The following ASB13 variants were observed in gnomAD, a reference collection of about 807,000 sequenced individuals.
ASB13 encodes ankyrin repeat and SOCS box protein 13.
ASB13 carries 33 observed loss-of-function variants against 28.8 expected under a neutral mutation model. The observed-to-expected ratio is 1.15, with a 90% confidence interval of 0.87 to 1.53. The LOEUF (loss-of-function observed/expected upper bound fraction) is 1.53. ASB13 is among the 40% of genes most tolerant of loss of function. The pLI, the probability that ASB13 is intolerant of heterozygous loss-of-function variation, is 0.00. For missense variants in ASB13, 414 were observed against 390.1 expected, an observed-to-expected ratio of 1.06 and a Z score of -0.52; for synonymous variants, 182 against 172.9, an observed-to-expected ratio of 1.05 and a Z score of -0.41.
rs1834998445 is a variant in ASB13, at chr10:5,652,063, A to AC, written c.232-701_232-700insG. On this transcript the variant is annotated intron_variant, in intron 2 of 5. Transcript: ENST00000357700. The surrounding 1 kb of genome is among the most constrained non-coding windows in gnomAD (Gnocchi z 5.0). ...ACACACACACACACACACACACACA[A>AC]AACTCTAACCTCAATGGAAGGAATG... Among the ~76,000 whole-genome samples the AC allele has an allele frequency of 8.2e-6, 1 of 122,526 alleles. No individual in the cohort carries two copies. The highest frequency in any genetic ancestry group is 1.7e-5 in the Non-Finnish European group (1 of 59,436). 80.4% of individuals were successfully genotyped at this position (122,526 alleles called of 152,430 possible).
rs914066222 is a variant in ASB13 at position 5,641,347 on chromosome 10, C to T, written c.709+423G>A. 6.6e-6 allele frequency among the ~76,000 whole-genome samples: 1 copy of T among 152,166 alleles called. No homozygotes were observed. Among genetic ancestry groups the T allele is most frequent in the African/African-American group, 2.4e-5 (1 of 41,412 alleles). On this transcript the variant is annotated intron_variant, in intron 5 of 5. Coordinates refer to ENST00000357700, the MANE Select transcript of ASB13 (RefSeq NM_024701.4). The surrounding 1 kb of genome is among the most constrained non-coding windows in gnomAD (Gnocchi z 8.4). Reference sequence around the variant, plus strand: ...GAACTCCTGACCTCAGGTGATCTGCCCGCCTCAGCCTCCCAAAGTGCTGTG... The same window carrying T: ...GAACTCCTGACCTCAGGTGATCTGCTCGCCTCAGCCTCCCAAAGTGCTGTG...
chr10:5,641,948 A>G lies in ASB13; in HGVS notation c.531T>C (p.Asn177=), dbSNP rs1834814617. 1 of 1,604,188 alleles carries G rather than the reference A, an allele frequency of 6.2e-7. No homozygotes were observed. The highest frequency in any genetic ancestry group is 2.2e-5 in the East Asian group (1 of 44,564). Residue 177 remains asparagine, a synonymous_variant, in exon 5 of 6, where the codon AAT becomes AAC. Coordinates refer to ENST00000357700, the MANE Select transcript of ASB13 (RefSeq NM_024701.4). This position sits in a 1 kb window ranked among gnomAD's most constrained non-coding sequence, Gnocchi z 8.4. ...KVLLNAGANV[N]AAKLHETALH... ...GGGCAGTCTCATGAAGCTTTGCCGC[A>G]TTCACGTTGGCCCCTGGAGGTCAAG...
Position 5,663,837 on chromosome 10 carries a change from C to T in ASB13, c.43+2672G>A, listed in dbSNP as rs1835211552. ...GCCGCCCACTCCAAGTAACTCTCTACCCTTTAGAAATGCCCTGGACTGCTA... is the reference window on the plus strand; with the variant it reads ...GCCGCCCACTCCAAGTAACTCTCTATCCTTTAGAAATGCCCTGGACTGCTA... On this transcript the variant is annotated intron_variant, in intron 1 of 5. Transcript: ENST00000357700. This position sits in a 1 kb window ranked among gnomAD's most constrained non-coding sequence, Gnocchi z 4.9. Among the ~76,000 whole-genome samples, 1 of 152,090 alleles carries T rather than the reference C, an allele frequency of 6.6e-6. No individual in the cohort carries two copies. The highest frequency in any genetic ancestry group is 2.1e-4 in the South Asian group (1 of 4,830).
At position 5,661,212 on chromosome 10, in the gene ASB13, G is replaced by C. The variant is rs1313780048; in HGVS notation, c.43+5297C>G. ...CTGGCCCCTGCACACTGCAGAGCTG[G>C]GCACCTCCAGAGCCCATCCTCCACA... On this transcript the variant is annotated intron_variant, in intron 1 of 5. Transcript: ENST00000357700. This position sits in a 1 kb window ranked among gnomAD's most constrained non-coding sequence, Gnocchi z 4.9. Among the ~76,000 whole-genome samples, 1 of 152,034 alleles carries C rather than the reference G, an allele frequency of 6.6e-6. No homozygotes were observed. Among genetic ancestry groups the C allele is most frequent in the Non-Finnish European group, 1.5e-5 (1 of 68,008 alleles).
In ASB13 at chr10:5,660,786, C is replaced by T. The variant is rs1239690070; in HGVS notation, c.43+5723G>A. Among the ~76,000 whole-genome samples, 1 of 152,182 alleles carries T rather than the reference C, an allele frequency of 6.6e-6. No homozygotes were observed. Among genetic ancestry groups the T allele is most frequent in the East Asian group, 1.9e-4 (1 of 5,188 alleles). On this transcript the variant is annotated intron_variant, in intron 1 of 5. Coordinates refer to ENST00000357700, the MANE Select transcript of ASB13 (RefSeq NM_024701.4). The surrounding 1 kb of genome is among the most constrained non-coding windows in gnomAD (Gnocchi z 6.1). Reference sequence around the variant, plus strand: ...TGCATTCCAGCTCCAGTAACTCAATCCTTACCTAAGTCGGGTGACTGATTG... The same window carrying T: ...TGCATTCCAGCTCCAGTAACTCAATTCTTACCTAAGTCGGGTGACTGATTG...
Position 5,640,527 on chromosome 10 carries a change from C to G in ASB13, c.*176G>C. 1.2e-6 allele frequency: 1 copy of G among 822,414 alleles called. No individual in the cohort carries two copies. Among genetic ancestry groups the G allele is most frequent in the Non-Finnish European group, 1.9e-6 (1 of 539,240 alleles). 50.9% of individuals were successfully genotyped at this position (822,414 alleles called of 1,614,324 possible). A position where few individuals can be genotyped will look rare whatever the true frequency, so the allele number is the denominator to read the frequency against. On this transcript the variant is annotated 3_prime_UTR_variant, in exon 6 of 6. Coordinates refer to ENST00000357700, the MANE Select transcript of ASB13 (RefSeq NM_024701.4). ...CCTGAGACGCAGGCCTTCCCAACAC[C>G]CTGGAAACATTATCCAGGATCCAGG...
rs1834806008 is a variant in ASB13 at position 5,641,409 on chromosome 10, T to C, written c.709+361A>G. 1.3e-5 allele frequency among the ~76,000 whole-genome samples: 2 copies of C among 152,034 alleles called. No individual in the cohort carries two copies. Among genetic ancestry groups the C allele is most frequent in the African/African-American group, 4.8e-5 (2 of 41,412 alleles). ...GAGCCACTGCGCCTTTTCAAAACCA[T>C]GGTTTTGGTTTTTTGAGACACGGCA... is the stretch of plus-strand genomic sequence containing the variant. On this transcript the variant is annotated intron_variant, in intron 5 of 5. Transcript: ENST00000357700. This position sits in a 1 kb window ranked among gnomAD's most constrained non-coding sequence, Gnocchi z 8.4.
chr10:5,640,700 A>T lies in ASB13; in HGVS notation c.*3T>A, dbSNP rs762023737. 1 of 1,614,068 alleles carries T rather than the reference A, an allele frequency of 6.2e-7. No homozygotes were observed. Among genetic ancestry groups the T allele is most frequent in the South Asian group, 1.1e-5 (1 of 91,076 alleles). On this transcript the variant is annotated 3_prime_UTR_variant, in exon 6 of 6. Coordinates refer to ENST00000357700, the MANE Select transcript of ASB13 (RefSeq NM_024701.4). ...CAGCCACGGTCCGGACCCCACCTGC[A>T]ATTCAGTTGTAGGAGAGGTAATCAA... is the stretch of plus-strand genomic sequence containing the variant.
In ASB13 at chr10:5,664,350, G is replaced by A. The variant is rs1235860331; in HGVS notation, c.43+2159C>T. On this transcript the variant is annotated intron_variant, in intron 1 of 5. Transcript: ENST00000357700. This position sits in a 1 kb window ranked among gnomAD's most constrained non-coding sequence, Gnocchi z 4.2. The stretch of plus-strand genomic sequence containing the variant: ...ACACAGGACTCATTGCTTACCTGAG[G>A]GGCCTAAGAAGACTGTCTGGGGATA... Among the ~76,000 whole-genome samples the A allele has an allele frequency of 6.6e-6, 1 of 151,968 alleles. No homozygotes were observed. The highest frequency in any genetic ancestry group is 1.5e-5 in the Non-Finnish European group (1 of 68,002).
At chr10:5,662,562 A>G (rs1168431910) in intron 1 of ASB13, among the ~76,000 whole-genome samples, 10 of 77,196 alleles carry the variant, frequency 1.3e-4, no homozygotes, top group African/African-American at 2.1e-4. Flanking sequence ...AGGGGAGGGG[A>G]GGGGAGAAGA....
At position 5,642,549 on chromosome 10, in the gene ASB13, T is replaced by A; in HGVS notation, c.518-588A>T. On this transcript the variant is annotated intron_variant, in intron 4 of 5. Coordinates refer to ENST00000357700, the MANE Select transcript of ASB13 (RefSeq NM_024701.4). This position sits in a 1 kb window ranked among gnomAD's most constrained non-coding sequence, Gnocchi z 4.1. Reference sequence around the variant, plus strand: ...TTCTCACGATAAGAGCAGACATTCATCAAGCTGATTAAAAGTAAAGGTAAA... The same window carrying A: ...TTCTCACGATAAGAGCAGACATTCAACAAGCTGATTAAAAGTAAAGGTAAA... The A allele has an allele frequency of 1.6e-6, 2 of 1,250,252 alleles. No homozygotes were observed. Among genetic ancestry groups the A allele is most frequent in the Non-Finnish European group, 1.0e-6 (1 of 977,366 alleles). 77.4% of individuals were successfully genotyped at this position (1,250,252 alleles called of 1,614,324 possible).
Position 5,652,928 on chromosome 10 carries a change from G to C in ASB13, c.166C>G (p.Leu56Val), listed in dbSNP as rs1478493909. ...NQVTVDSITP[L>V]HAASLQGQAR... Reference sequence around the variant, plus strand: ...TGGCCCTGCAGACTGGCTGCGTGCAGGGGCGTGATGGAGTCCACGGTGACC... The same window carrying C: ...TGGCCCTGCAGACTGGCTGCGTGCACGGGCGTGATGGAGTCCACGGTGACC... The change falls in exon 2 of 6, where the codon CTG becomes GTG. Residue 56 changes from leucine (L) to valine (V), a missense_variant. Transcript: ENST00000357700. The surrounding 1 kb of genome is among the most constrained non-coding windows in gnomAD (Gnocchi z 5.0). The C allele has an allele frequency of 5.1e-6, 8 of 1,583,758 alleles. No individual in the cohort carries two copies. The highest frequency in any genetic ancestry group is 6.9e-6 in the Non-Finnish European group (8 of 1,165,450).
rs965733803 is a variant in ASB13 at position 5,640,962 on chromosome 10, T to C, written c.710-132A>G. Reference sequence around the variant, plus strand: ...GGAACCGGGATGTGTCCTGTAGGCCTTCTCTGGAAGGACAGCCAGGAACCC... The same window carrying C: ...GGAACCGGGATGTGTCCTGTAGGCCCTCTCTGGAAGGACAGCCAGGAACCC... On this transcript the variant is annotated intron_variant, in intron 5 of 5. Coordinates refer to ENST00000357700, the MANE Select transcript of ASB13 (RefSeq NM_024701.4). The C allele has an allele frequency of 2.3e-5, 28 of 1,213,702 alleles. 1 individual carries two copies. The Middle Eastern group carries it at 2.8e-3, about 121-fold the overall frequency. The allele number at this position is 1,213,702 out of a possible 1,614,324, so 75.2% of individuals were successfully genotyped here. A position where few individuals can be genotyped will look rare whatever the true frequency, so the allele number is the denominator to read the frequency against.
intron 1 of ASB13, among the ~76,000 whole-genome samples, chr10:5,665,231 G>A (rs1835239812): frequency 6.6e-6 from 1 of 152,186 alleles, no homozygotes; most frequent in Non-Finnish European, 1.5e-5. Context: ...ATTGTCTAAA[G>A]CTCCTACGGT....
Position 5,648,531 on chromosome 10 carries a change from T to TACTCAGGTAAACACCC in ASB13, c.517+423_517+438dup, listed in dbSNP as rs1358165364. 1.8e-4 allele frequency among the ~76,000 whole-genome samples: 13 copies of TACTCAGGTAAACACCC among 70,432 alleles called. 1 individual carries two copies. Among genetic ancestry groups the TACTCAGGTAAACACCC allele is most frequent in the African/African-American group, 7.6e-4 (13 of 17,114 alleles). The allele number at this position is 70,432 out of a possible 152,430, so 46.2% of individuals were successfully genotyped here. On this transcript the variant is annotated intron_variant, in intron 4 of 5. Transcript: ENST00000357700. ...GTAAACACCCACGCGGGCAAACACC[T>TACTCAGGTAAACACCC]ACTCAGGTAAACACCCACTCAGGTA... is the stretch of plus-strand genomic sequence containing the variant.
chr10:5,653,720 C>T (rs1482988914), intron 1 of ASB13, among the ~76,000 whole-genome samples: 1 of 152,138 alleles, frequency 6.6e-6, no homozygotes, highest in Non-Finnish European at 1.5e-5. Flanking sequence ...CTCGCTCTGT[C>T]ACCCAGGCTG....
chr10:5,665,005 C>T (rs894232459), intron 1 of ASB13, among the ~76,000 whole-genome samples: 15 of 152,156 alleles, frequency 9.9e-5, no homozygotes, highest in Non-Finnish European at 1.5e-4. Flanking sequence ...TACAGGCACC[C>T]GCCACAATGC....
rs1185066432 is a variant in ASB13 at position 5,664,625 on chromosome 10, A to G, written c.43+1884T>C. ...GGAGCAGCCAGTAGGTTAGAGGTTCATCTACCACAGAAGGACGTCCATAGG... is the reference window on the plus strand; with the variant it reads ...GGAGCAGCCAGTAGGTTAGAGGTTCGTCTACCACAGAAGGACGTCCATAGG... On this transcript the variant is annotated intron_variant, in intron 1 of 5. Coordinates refer to ENST00000357700, the MANE Select transcript of ASB13 (RefSeq NM_024701.4). The surrounding 1 kb of genome is among the most constrained non-coding windows in gnomAD (Gnocchi z 4.2). Among the ~76,000 whole-genome samples the G allele has an allele frequency of 1.3e-5, 2 of 152,224 alleles. No homozygotes were observed. Among genetic ancestry groups the G allele is most frequent in the African/African-American group, 2.4e-5 (1 of 41,462 alleles).
intron 1 of ASB13, among the ~76,000 whole-genome samples, chr10:5,662,473 T>C (rs12762316): frequency 0.21 from 27,497 of 131,936 alleles, 3,319 homozygotes; most frequent in Middle Eastern, 0.27. Flanking sequence ...GAGACTGCAG[T>C]GAGCTGAGAT....
Sources: allele counts gnomAD v4.1 joint callset (sites outside exome capture counted in the v4.1 genomes callset), GRCh38; gene constraint gnomAD v4.1.1; non-coding constraint Gnocchi (gnomAD v3.1); transcripts MANE v1.5; gene names NCBI Gene and HGNC (gene_info 2026-07-23, HGNC 2026-07-21).